The following NR3C2 variants were observed in gnomAD, a reference collection of about 807,000 sequenced individuals.
The protein encoded by NR3C2 is mineralocorticoid receptor.
A neutral mutation model predicts 86.4 loss-of-function variants in NR3C2; 15 were observed. That is an observed-to-expected ratio of 0.17 (90% CI 0.12 to 0.27). NR3C2 has a LOEUF of 0.27. Ranked by LOEUF, NR3C2 falls within the 10% of genes least tolerant of loss-of-function variation. The pLI, the probability that NR3C2 is intolerant of heterozygous loss-of-function variation, is 1.00. For missense variants in NR3C2, 960 were observed against 1,195.6 expected (o/e 0.80, Z 2.91); for synonymous variants, 458 against 450.5 (o/e 1.02, Z -0.21).
chr4:148,364,281 T>C (rs923869109), intron 2 of NR3C2, among the ~76,000 whole-genome samples: 1 of 152,224 alleles, frequency 6.6e-6, no homozygotes, highest in African/African-American at 2.4e-5. Flanking sequence ...AAATGAAACA[T>C]GCGCTTTTCT....
chr4:148,443,024 G>GAAGCCCACCCA, upstream of NR3C2: 2 of 973,662 alleles, frequency 2.1e-6, no homozygotes, highest in Non-Finnish European at 2.4e-6. Context: ...GACTCTGGGT[G>GAAGCCCACCCA]GGCTTCACCC....
chr4:148,332,084 T>C, intron 2 of NR3C2, among the ~76,000 whole-genome samples: 1 of 152,264 alleles, frequency 6.6e-6, no homozygotes, highest in East Asian at 1.9e-4. Context: ...ATAGTATTAA[T>C]ACAAAATATC....
At chr4:148,140,841 T>C (rs980583094) in intron 6 of NR3C2, among the ~76,000 whole-genome samples, 4 of 152,210 alleles carry the variant, frequency 2.6e-5, no homozygotes, top group Non-Finnish European at 5.9e-5. Flanking sequence ...CCATTTGCAG[T>C]CTCATATTTG....
intron 2 of NR3C2, among the ~76,000 whole-genome samples, chr4:148,285,435 G>A (rs906839300): frequency 2.6e-5 from 4 of 152,280 alleles, no homozygotes; most frequent in East Asian, 1.9e-4. Flanking sequence ...CAGGCCGGAC[G>A]TGGTGGCTCT....
intron 2 of NR3C2, among the ~76,000 whole-genome samples, chr4:148,374,999 AAT>A (rs1275390875): frequency 5.3e-5 from 8 of 152,234 alleles, no homozygotes; most frequent in African/African-American, 1.9e-4. Context: ...TGAAAAAGTA[AAT>A]ATGTTGTCAC....
At chr4:148,099,803 G>C (rs1731453145) in intron 8 of NR3C2, among the ~76,000 whole-genome samples, 1 of 152,188 alleles carries the variant, frequency 6.6e-6, no homozygotes, top group African/African-American at 2.4e-5. Context: ...TTCAGATCAG[G>C]AAAAGATTCC....
At chr4:148,323,444 A>C (rs1743751527) in intron 2 of NR3C2, among the ~76,000 whole-genome samples, 1 of 142,870 alleles carries the variant, frequency 7.0e-6, no homozygotes, top group South Asian at 2.4e-4. Flanking sequence ...TTACCTAATC[A>C]AGCCTGTGCA....
rs570524441 is a variant in NR3C2 at position 148,355,834 on chromosome 4, A to G, written c.1757+79270T>C. On this transcript the variant is annotated intron_variant, in intron 2 of 8. Transcript: ENST00000358102. The stretch of plus-strand genomic sequence containing the variant: ...TTCTTGTCAGAAATCTAAAGAGGAA[A>G]AGCAAAGTTTCGGTTTTGTAGAACA... Among the ~76,000 whole-genome samples, 5 of 152,326 alleles carry G rather than the reference A, an allele frequency of 3.3e-5. No individual in the cohort carries two copies. The South Asian group carries it at 1.0e-3, about 32-fold the overall frequency.
At chr4:148,402,646 T>C (rs942159830) in intron 2 of NR3C2, among the ~76,000 whole-genome samples, 2 of 152,214 alleles carry the variant, frequency 1.3e-5, no homozygotes, top group Non-Finnish European at 2.9e-5. Flanking sequence ...ATATAAGTCC[T>C]TGAGGTAAGG....
chr4:148,199,844 C>G (rs972166804), intron 3 of NR3C2, among the ~76,000 whole-genome samples: 2 of 152,016 alleles, frequency 1.3e-5, no homozygotes, highest in Admixed American at 6.6e-5. Flanking sequence ...GATAAATCTC[C>G]CTATGTAACA....
At chr4:148,291,974 C>T (rs1488894964) in intron 2 of NR3C2, among the ~76,000 whole-genome samples, 2 of 152,010 alleles carry the variant, frequency 1.3e-5, no homozygotes, top group Admixed American at 6.6e-5. Flanking sequence ...TGTAATTTAC[C>T]GAATATTGTA....
At chr4:148,088,521 A>G (rs546047524) in intron 8 of NR3C2, among the ~76,000 whole-genome samples, 419 of 152,320 alleles carry the variant, frequency 2.8e-3, no homozygotes, top group Non-Finnish European at 2.3e-3. Flanking sequence ...CACACCATGG[A>G]ATACTATGCA....
chr4:148,293,822 T>G (rs905240801), intron 2 of NR3C2, among the ~76,000 whole-genome samples: 13 of 152,178 alleles, frequency 8.5e-5, no homozygotes, highest in Non-Finnish European at 1.6e-4. Context: ...CCAGAGGTAA[T>G]GGTTACAAAA....
intron 2 of NR3C2, among the ~76,000 whole-genome samples, chr4:148,423,629 T>A (rs1257133553): frequency 6.6e-6 from 1 of 152,220 alleles, no homozygotes; most frequent in Non-Finnish European, 1.5e-5. Context: ...AGTGGGGACA[T>A]TTGGTTTGTT....
At chr4:148,373,470 CTTTTTTTTTCT>C (rs1746516883) in intron 2 of NR3C2, among the ~76,000 whole-genome samples, 1 of 129,796 alleles carries the variant, frequency 7.7e-6, no homozygotes, top group Non-Finnish European at 1.6e-5. Context: ...TAAAGGATGA[CTTTTTTTTTCT>C]TTTTTTTTTT....
At chr4:148,437,373 T>C (rs1043337615) in intron 1 of NR3C2, among the ~76,000 whole-genome samples, 1 of 152,208 alleles carries the variant, frequency 6.6e-6, no homozygotes, top group Non-Finnish European at 1.5e-5. Flanking sequence ...TTAAAAACAA[T>C]ATGGAAATGT....
chr4:148,216,966 C>T (rs1737570841), intron 3 of NR3C2, among the ~76,000 whole-genome samples: 2 of 152,140 alleles, frequency 1.3e-5, no homozygotes, highest in Non-Finnish European at 2.9e-5. Context: ...TGAAAGCCAC[C>T]ACCACAGAGC....
rs192774391 is a variant in NR3C2 at position 148,103,118 on chromosome 4, G to A, written c.2799+10986C>T. On this transcript the variant is annotated intron_variant, in intron 8 of 8. Transcript: ENST00000358102. Reference sequence around the variant, plus strand: ...GCTTAGAATAGCTTCCATCTATGTGGCAAACCCCGACTTGACTTTTGGGTC... The same window carrying A: ...GCTTAGAATAGCTTCCATCTATGTGACAAACCCCGACTTGACTTTTGGGTC... Among the ~76,000 whole-genome samples the A allele has an allele frequency of 5.3e-3, 813 of 152,196 alleles. 11 individuals are homozygous for A. The highest frequency in any genetic ancestry group is 0.018 in the African/African-American group (758 of 41,532).
rs181552130 is a variant in NR3C2, at chr4:148,347,388, T to C, written c.1758-87271A>G. Among the ~76,000 whole-genome samples the C allele has an allele frequency of 7.9e-5, 12 of 152,110 alleles. No individual in the cohort carries two copies. The East Asian group carries it at 1.4e-3, about 17-fold the overall frequency. On this transcript the variant is annotated intron_variant, in intron 2 of 8. Transcript: ENST00000358102. ...CCATGTCTGAAAACAAATTAAAGAATAGAAAAAGTGAATACTCTATCTTCA... is the reference window on the plus strand; with the variant it reads ...CCATGTCTGAAAACAAATTAAAGAACAGAAAAAGTGAATACTCTATCTTCA...
Sources: allele counts gnomAD v4.1 joint callset (sites outside exome capture counted in the v4.1 genomes callset), GRCh38; gene constraint gnomAD v4.1.1; transcripts MANE v1.5; gene names NCBI Gene and HGNC (gene_info 2026-07-23, HGNC 2026-07-21).